PCDH15: variants seen among roughly 807,000 people sequenced by gnomAD.
PCDH15 encodes protocadherin related 15, also known as protocadherin-15.
A neutral mutation model predicts 178.5 loss-of-function variants in PCDH15; 129 were observed. The observed-to-expected ratio is 0.72, with a 90% CI of 0.63 to 0.84. The LOEUF (loss-of-function observed/expected upper bound fraction) is 0.84, where lower values mean the gene tolerates loss of function less well. Among genes scored for constraint, PCDH15 ranks in the 40% least tolerant of loss-of-function variants. The pLI, the probability that PCDH15 is intolerant of heterozygous loss-of-function variation, is 0.00. For missense variants in PCDH15, 2,230 were observed against 2,099.9 expected, an observed-to-expected ratio of 1.06 and a Z score of -1.21; for synonymous variants, 800 against 732.0, an observed-to-expected ratio of 1.09 and a Z score of -1.50.
At chr10:54,634,813 A>C (rs990458799) in intron 2 of PCDH15, among the ~76,000 whole-genome samples, 1 of 152,052 alleles carries the variant, frequency 6.6e-6, no homozygotes, top group African/African-American at 2.4e-5. Flanking sequence ...TCACAATTAT[A>C]AACTGCTGCT....
chr10:54,191,459 G>A (rs1431702209), intron 11 of PCDH15, among the ~76,000 whole-genome samples: 1 of 152,154 alleles, frequency 6.6e-6, no homozygotes, highest in African/African-American at 2.4e-5. Flanking sequence ...TAGACAAGAT[G>A]TAGCTTGGCA....
intron 9 of PCDH15, among the ~76,000 whole-genome samples, chr10:54,232,321 T>C (rs2054159908): frequency 6.6e-6 from 1 of 152,294 alleles, no homozygotes; most frequent in African/African-American, 2.4e-5. Flanking sequence ...TCAGCCATGA[T>C]TGAAAGTTTC....
intron 2 of PCDH15, among the ~76,000 whole-genome samples, chr10:55,110,408 T>C (rs1256309277): frequency 2.6e-5 from 4 of 152,060 alleles, no homozygotes; most frequent in East Asian, 3.8e-4. Context: ...AGTGAGAATG[T>C]AGTCGTTTAA....
At chr10:54,869,698 G>A (rs1954001098) in intron 3 of PCDH15, among the ~76,000 whole-genome samples, 1 of 152,164 alleles carries the variant, frequency 6.6e-6, no homozygotes, top group South Asian at 2.1e-4. Flanking sequence ...ATGTCACAGT[G>A]CCTGGCATAT....
At chr10:55,329,542 G>A (rs1430596879) in intron 2 of PCDH15, among the ~76,000 whole-genome samples, 1 of 151,684 alleles carries the variant, frequency 6.6e-6, no homozygotes, top group Admixed American at 6.6e-5. Context: ...TTAGGGAAAT[G>A]AGGAGAAAAT....
At chr10:54,722,631 G>A (rs1371709805) in intron 1 of PCDH15, among the ~76,000 whole-genome samples, 2 of 150,314 alleles carry the variant, frequency 1.3e-5, no homozygotes, top group South Asian at 2.1e-4. Context: ...GCATAATTGT[G>A]TATCAGAAAA....
chr10:55,178,150 A>C (rs1839547304), intron 1 of PCDH15, among the ~76,000 whole-genome samples: 1 of 152,110 alleles, frequency 6.6e-6, no homozygotes, highest in African/African-American at 2.4e-5. Flanking sequence ...AAATTAACAG[A>C]CTATTATTCT....
In PCDH15 at chr10:54,312,858, T is replaced by C. The variant is rs183138682; in HGVS notation, c.876+4413A>G. Among the ~76,000 whole-genome samples, 524 of 152,256 alleles carry C rather than the reference T, an allele frequency of 3.4e-3. 4 individuals are homozygous for C. Among genetic ancestry groups the C allele is most frequent in the Non-Finnish European group, 5.5e-3 (375 of 68,016 alleles). ...TTGAGCCCACTAAGTTTTGGTGGCC[T>C]GTTATACGGTGACTGATAATCTGAC... On this transcript the variant is annotated intron_variant, in intron 8 of 37. Transcript: ENST00000644397.
At chr10:54,888,064 C>T (rs11815601) in intron 3 of PCDH15, among the ~76,000 whole-genome samples, 34,245 of 151,972 alleles carry the variant, frequency 0.23, 4,542 homozygotes, top group Non-Finnish European at 0.31. Flanking sequence ...ATATTTCACA[C>T]ATGTAAAGCA....
intron 8 of PCDH15, among the ~76,000 whole-genome samples, chr10:54,290,179 A>G (rs1234387210): frequency 6.6e-6 from 1 of 152,256 alleles, no homozygotes; most frequent in Non-Finnish European, 1.5e-5. Flanking sequence ...GAAGCCAATC[A>G]GACTAACAGT....
intron 2 of PCDH15, among the ~76,000 whole-genome samples, chr10:54,618,405 G>C (rs7099039): frequency 0.038 from 5,766 of 152,060 alleles, 338 homozygotes; most frequent in African/African-American, 0.13. Flanking sequence ...TGTAAAACCG[G>C]GGAAATATTT....
chr10:55,410,955 C>T (rs1838317011), intron 2 of PCDH15, among the ~76,000 whole-genome samples: 1 of 151,664 alleles, frequency 6.6e-6, no homozygotes, highest in South Asian at 2.1e-4. Context: ...TTTGAATGTG[C>T]CTTTACTGAA....
intron 2 of PCDH15, among the ~76,000 whole-genome samples, chr10:54,603,863 A>G (rs978546854): frequency 4.0e-4 from 61 of 152,004 alleles, no homozygotes; most frequent in African/African-American, 1.4e-3. Context: ...GTTGTTTGAT[A>G]TTGCACAGCT....
chr10:54,572,861 G>A (rs2090006000), intron 2 of PCDH15, among the ~76,000 whole-genome samples: 1 of 152,110 alleles, frequency 6.6e-6, no homozygotes, highest in Non-Finnish European at 1.5e-5. Context: ...TGTAATTTAT[G>A]TGTTTCTTGT....
intron 3 of PCDH15, among the ~76,000 whole-genome samples, chr10:54,872,864 A>G (rs750720107): frequency 6.5e-4 from 99 of 152,124 alleles, no homozygotes; most frequent in Non-Finnish European, 1.1e-3. Flanking sequence ...TTTCAAAAAA[A>G]CTGCATGAAA....
intron 2 of PCDH15, among the ~76,000 whole-genome samples, chr10:55,480,321 TTCTTTC>T (rs1198661168): frequency 6.6e-6 from 1 of 151,730 alleles, no homozygotes; most frequent in Non-Finnish European, 1.5e-5. Context: ...TGCCTTTTAT[TTCTTTC>T]TCTTGCCTGA....
intron 3 of PCDH15, among the ~76,000 whole-genome samples, chr10:54,431,936 A>T (rs1957014923): frequency 6.6e-6 from 1 of 152,006 alleles, no homozygotes; most frequent in East Asian, 1.9e-4. Context: ...ATATAAAAAT[A>T]AAAAATTTTA....
chr10:55,585,984 A>G (rs565404250), intron 2 of PCDH15, among the ~76,000 whole-genome samples: 1 of 152,226 alleles, frequency 6.6e-6, no homozygotes, highest in East Asian at 1.9e-4. Context: ...AAAAGACTCT[A>G]TCCAGCTCTC....
At chr10:54,124,368 G>A (rs903978488) in intron 15 of PCDH15, among the ~76,000 whole-genome samples, 1 of 152,184 alleles carries the variant, frequency 6.6e-6, no homozygotes, top group African/African-American at 2.4e-5. Flanking sequence ...TACTGAGTAC[G>A]GAGTTTCAGT....
Sources: gnomAD v4.1 joint callset for allele counts (sites outside exome capture counted in the v4.1 genomes callset) on GRCh38, gnomAD v4.1.1 for gene constraint, MANE v1.5 for transcripts, NCBI Gene and HGNC (gene_info 2026-07-23, HGNC 2026-07-21) for gene names.